Variants in GRHL1 observed in about 807,000 individuals in gnomAD.
The protein encoded by GRHL1 is grainyhead-like protein 1 homolog.
Under a neutral mutation model 75.7 loss-of-function variants are expected in GRHL1, and 38 were observed. The observed-to-expected ratio is 0.50, with a 90% confidence interval of 0.39 to 0.66. The LOEUF (loss-of-function observed/expected upper bound fraction) is 0.66, where lower values mean the gene tolerates loss of function less well. Ranked by LOEUF, GRHL1 falls within the 30% of genes least tolerant of loss-of-function variation. GRHL1 has a pLI of 0.00. For synonymous variants in GRHL1, 266 were observed against 279.4 expected (o/e 0.95, Z 0.48); for missense variants, 589 against 767.5 (o/e 0.77, Z 2.75).
rs1367384 is a variant in GRHL1 at position 9,987,734 on chromosome 2, G to A, written c.1269+1452G>A. On this transcript the variant is annotated intron_variant, in intron 9 of 15. Transcript: ENST00000324907. This position sits in a 1 kb window ranked among gnomAD's most constrained non-coding sequence, Gnocchi z 4.2. The stretch of plus-strand genomic sequence containing the variant: ...GGCTGAGCTGGATTCAATGCAGGGA[G>A]AGTCTGGAAGGTGCGTCGAGTCTTG... Among the ~76,000 whole-genome samples, 36,045 of 152,048 alleles carry A rather than the reference G, an allele frequency of 0.24. 4,505 individuals carry two copies. The highest frequency in any genetic ancestry group is 0.34 in the Admixed American group (5,115 of 15,262).
chr2:9,991,456 C>A (rs1457689538), intron 10 of GRHL1, among the ~76,000 whole-genome samples: 1 of 152,208 alleles, frequency 6.6e-6, no homozygotes, highest in African/African-American at 2.4e-5. Context: ...CAGAGAGCAG[C>A]TGACTAACTA....
chr2:9,976,823 G>A (rs886168270), intron 8 of GRHL1, among the ~76,000 whole-genome samples: 6 of 152,212 alleles, frequency 3.9e-5, no homozygotes, highest in Admixed American at 3.3e-4. Flanking sequence ...GAGGATGTGT[G>A]TAGTATTCAC....
intron 2 of GRHL1, among the ~76,000 whole-genome samples, chr2:9,958,179 T>TTTC (rs1553299881): frequency 6.1e-5 from 9 of 146,500 alleles, no homozygotes; most frequent in Non-Finnish European, 1.3e-4. Context: ...TTTTTCTTTT[T>TTTC]TTTTTTTTTT....
At chr2:9,958,045 G>C (rs962884405) in intron 2 of GRHL1, among the ~76,000 whole-genome samples, 1 of 152,194 alleles carries the variant, frequency 6.6e-6, no homozygotes, top group Non-Finnish European at 1.5e-5. Context: ...TTTTGCATTT[G>C]ATCTGAATGG....
At chr2:9,997,436 A>T (rs1668912631) in intron 14 of GRHL1, among the ~76,000 whole-genome samples, 1 of 152,160 alleles carries the variant, frequency 6.6e-6, no homozygotes, top group South Asian at 2.1e-4. Context: ...CAGCACAGGC[A>T]GCGCCGTTCC....
In GRHL1 at chr2:9,998,621, T is replaced by TAC. The variant is rs1553307032; in HGVS notation, c.1678-340_1678-339dup. Among the ~76,000 whole-genome samples, 2 of 45,728 alleles carry TAC rather than the reference T, an allele frequency of 4.4e-5. 1 individual carries two copies. The highest frequency in any genetic ancestry group is 3.4e-4 in the African/African-American group (2 of 5,948). The allele number at this position is 45,728 out of a possible 152,430, so 30.0% of individuals were successfully genotyped here. A position where few individuals can be genotyped will look rare whatever the true frequency, so the allele number is the denominator to read the frequency against. On this transcript the variant is annotated intron_variant, in intron 14 of 15. Transcript: ENST00000324907. ...ACACATATATATATACATATATATG[T>TAC]ACACATATACATATATATGTACACA...
intron 7 of GRHL1, chr2:9,964,585 GC>G (rs1558295339): frequency 2.5e-6 from 1 of 399,628 alleles, no homozygotes; most frequent in Admixed American, 4.1e-5. Flanking sequence ...AGGGCCAGAA[GC>G]CATGTAGCTG....
intron 2 of GRHL1, among the ~76,000 whole-genome samples, chr2:9,957,910 C>G (rs188201822): frequency 2.4e-4 from 37 of 152,294 alleles, no homozygotes; most frequent in African/African-American, 8.2e-4. Flanking sequence ...GAATAGAACA[C>G]TGAGTTAGAC....
chr2:9,996,148 T>C (rs558719890), intron 13 of GRHL1, among the ~76,000 whole-genome samples, 168 bp from the exon 14 acceptor site: 9 of 152,388 alleles, frequency 5.9e-5, no homozygotes, highest in African/African-American at 1.7e-4. Flanking sequence ...AGCTGAAACC[T>C]GTGTTCCTTA....
intron 3 of GRHL1, chr2:9,960,148 A>G (rs1163763121): frequency 6.6e-6 from 1 of 152,202 alleles, no homozygotes; most frequent in Non-Finnish European, 1.5e-5. Context: ...TGGGTGAAAG[A>G]GAAAGCCAGG....
chr2:9,951,807 G>C lies in GRHL1; in HGVS notation c.-27G>C. 6.5e-7 allele frequency: 1 copy of C among 1,528,952 alleles called. No homozygotes were observed. Among genetic ancestry groups the C allele is most frequent in the East Asian group, 2.8e-5 (1 of 36,100 alleles). The allele number at this position is 1,528,952 out of a possible 1,614,324, so 94.7% of individuals were successfully genotyped here. ...TGTCCCAACCCGAAAGTCCAGTTCT[G>C]CGGCCCGGCAGCGGCGAGCGGGCGC... On this transcript the variant is annotated 5_prime_UTR_variant, in exon 1 of 16. Transcript: ENST00000324907. The surrounding 1 kb of genome is among the most constrained non-coding windows in gnomAD (Gnocchi z 4.2).
intron 4 of GRHL1, 42 bp downstream of exon 4, chr2:9,961,478 G>T (rs1667271008): frequency 6.5e-7 from 1 of 1,545,922 alleles, no homozygotes; most frequent in Admixed American, 1.8e-5. Flanking sequence ...CTGCGTGTTT[G>T]TATAAGTATT....
chr2:9,985,650 G>A (rs1289355867), intron 8 of GRHL1, among the ~76,000 whole-genome samples: 7 of 152,200 alleles, frequency 4.6e-5, no homozygotes, highest in African/African-American at 1.7e-4. Flanking sequence ...GTGGATTAGA[G>A]GAACACTGAT....
chr2:9,966,322 CG>C (rs1667493147), intron 8 of GRHL1: 1 of 152,078 alleles, frequency 6.6e-6, no homozygotes, highest in South Asian at 2.1e-4. Context: ...CGCTTGAACC[CG>C]GGAGACGGGG....
intron 14 of GRHL1, among the ~76,000 whole-genome samples, chr2:9,998,481 C>A (rs865998263): frequency 2.8e-4 from 1 of 3,560 alleles, no homozygotes; most frequent in Non-Finnish European, 4.6e-4. Flanking sequence ...TATATATATA[C>A]ATATATATAC....
At chr2:9,960,812 G>A in intron 3 of GRHL1, 1 of 485,500 alleles carries the variant, frequency 2.1e-6, no homozygotes, top group Non-Finnish European at 3.6e-6. Flanking sequence ...TTAGAGGAGA[G>A]CTCTGAGCCC....
Position 9,964,339 on chromosome 2 carries a change from T to C in GRHL1, c.1008T>C (p.Ile336=), listed in dbSNP as rs1481252913. The C allele has an allele frequency of 1.9e-6, 3 of 1,560,320 alleles. No individual in the cohort carries two copies. The highest frequency in any genetic ancestry group is 2.7e-6 in the Non-Finnish European group (3 of 1,131,898). The change falls in exon 7 of 16, where the codon ATT becomes ATC. Residue 336 remains isoleucine, a synonymous_variant. Transcript: ENST00000324907. Reference sequence around the variant, plus strand: ...AGCACACCGCTAAACAAAGATGCATTGACATAGGTAAGCAGCTCAAGAGCC... The same window carrying C: ...AGCACACCGCTAAACAAAGATGCATCGACATAGGTAAGCAGCTCAAGAGCC... ...SRQHTAKQRC[I]DIADYKESFN...
In GRHL1 at chr2:9,980,043, C is replaced by T. The variant is rs1171378776; in HGVS notation, c.1111-6081C>T. Among the ~76,000 whole-genome samples, 3 of 152,214 alleles carry T rather than the reference C, an allele frequency of 2.0e-5. No individual in the cohort carries two copies. In the East Asian group the frequency reaches 5.8e-4, roughly 29 times the overall value. On this transcript the variant is annotated intron_variant, in intron 8 of 15. Coordinates refer to ENST00000324907, the MANE Select transcript of GRHL1 (RefSeq NM_198182.3). The stretch of plus-strand genomic sequence containing the variant: ...TTGGTTTGTGGTGTTGATAAAAGCT[C>T]GAAAGGAGTGGGTGTGTTGGGGGTT...
rs1383850961 is a variant in GRHL1, at chr2:9,968,179, CT to C, written c.1110+2801del. 1.3e-5 allele frequency among the ~76,000 whole-genome samples: 2 copies of C among 152,220 alleles called. No homozygotes were observed. The highest frequency in any genetic ancestry group is 4.8e-5 in the African/African-American group (2 of 41,450). On this transcript the variant is annotated intron_variant, in intron 8 of 15. Transcript: ENST00000324907. This position sits in a 1 kb window ranked among gnomAD's most constrained non-coding sequence, Gnocchi z 4.7. ...TGTGAATGCTTTGGCTTACATTCCA[CT>C]TTGGGAAAAACACTGACGAAGCTAG... is the stretch of plus-strand genomic sequence containing the variant.
Sources: gnomAD v4.1 joint callset for allele counts (sites outside exome capture counted in the v4.1 genomes callset) on GRCh38, gnomAD v4.1.1 for gene constraint, Gnocchi (gnomAD v3.1) non-coding constraint, MANE v1.5 for transcripts, NCBI Gene and HGNC (gene_info 2026-07-23, HGNC 2026-07-21) for gene names.